Variants in RHEX observed in about 807,000 individuals in gnomAD.
The protein encoded by RHEX is regulator of hemoglobinization and erythroid cell expansion protein.
In RHEX, 18 loss-of-function variants were observed where a neutral mutation model predicts 20.1. The observed-to-expected ratio is 0.90, with a 90% CI of 0.62 to 1.33. The LOEUF (loss-of-function observed/expected upper bound fraction) is 1.33, where lower values mean the gene tolerates loss of function less well. Ranked by LOEUF, RHEX falls within the 40% of genes most tolerant of loss-of-function variation. RHEX has a pLI of 0.00. For synonymous variants in RHEX, 87 were observed against 77.1 expected, an observed-to-expected ratio of 1.13 and a Z score of -0.67; for missense variants, 192 against 214.3, an observed-to-expected ratio of 0.90 and a Z score of 0.65.
intron 1 of RHEX, among the ~76,000 whole-genome samples, chr1:206,054,077 G>A (rs2102300086): frequency 6.8e-6 from 1 of 148,096 alleles, no homozygotes; most frequent in Non-Finnish European, 1.5e-5. Context: ...CTAGTCCAAA[G>A]GCATAAAGAA....
At chr1:206,055,950 G>A (rs1662187290) in intron 1 of RHEX, among the ~76,000 whole-genome samples, 1 of 152,378 alleles carries the variant, frequency 6.6e-6, no homozygotes, top group South Asian at 2.1e-4. Flanking sequence ...AAGCAGATAA[G>A]CTAACTCTTA....
chr1:206,101,338 G>T (rs28694304), intron 5 of RHEX, 141 bp downstream of exon 5: 65,883 of 678,256 alleles, frequency 0.097, 3,534 homozygotes, highest in South Asian at 0.19. Context: ...GCATCCTCAG[G>T]TGAGGGGGGG....
At chr1:206,087,699 T>C (rs1662866463) in intron 1 of RHEX, among the ~76,000 whole-genome samples, 1 of 152,218 alleles carries the variant, frequency 6.6e-6, no homozygotes, top group African/African-American at 2.4e-5. Context: ...TGAGATATAA[T>C]TTATTTAGAT....
At position 206,101,962 on chromosome 1, in the gene RHEX, A is replaced by G. The variant is rs782239276; in HGVS notation, c.*10A>G. On this transcript the variant is annotated 3_prime_UTR_variant, in exon 6 of 6. Transcript: ENST00000331555. ...TCAAGTGGCCATGTGAATTCCAAAT[A>G]TTTTTAATGGGGTCCAGTTCTCTAT... 1 of 1,593,074 alleles carries G rather than the reference A, an allele frequency of 6.3e-7. No homozygotes were observed. The highest frequency in any genetic ancestry group is 1.3e-5 in the African/African-American group (1 of 74,610).
chr1:206,081,277 G>C (rs1385463985), intron 1 of RHEX, among the ~76,000 whole-genome samples: 2 of 152,140 alleles, frequency 1.3e-5, no homozygotes, highest in Admixed American at 6.5e-5. Context: ...GTACATACTA[G>C]GTACAGGCAC....
At chr1:206,097,563 G>C in intron 1 of RHEX, 170 bp from the exon 2 acceptor site, 1 of 551,440 alleles carries the variant, frequency 1.8e-6, no homozygotes, top group South Asian at 2.1e-5. Flanking sequence ...ACTCATCAAG[G>C]TTCTTTAGGA....
chr1:206,080,539 G>A (rs764683014), intron 1 of RHEX, among the ~76,000 whole-genome samples: 1 of 152,204 alleles, frequency 6.6e-6, no homozygotes. Flanking sequence ...GTGAAAGTGT[G>A]TTATCGACCT....
intron 1 of RHEX, among the ~76,000 whole-genome samples, chr1:206,077,783 A>T (rs1301422280): frequency 3.3e-5 from 5 of 152,114 alleles, no homozygotes; most frequent in African/African-American, 1.2e-4. Flanking sequence ...TATTATAGAG[A>T]TGCTACGTAG....
chr1:206,064,638 G>T (rs1241316463), intron 1 of RHEX, among the ~76,000 whole-genome samples: 1 of 145,162 alleles, frequency 6.9e-6, no homozygotes, highest in African/African-American at 2.6e-5. Context: ...CGGCCGCCCC[G>T]TCCCGGGGGG....
intron 1 of RHEX, among the ~76,000 whole-genome samples, chr1:206,068,056 A>G (rs1553284330): frequency 1.3e-5 from 2 of 152,106 alleles, no homozygotes; most frequent in Admixed American, 6.5e-5. Flanking sequence ...CGTCTTTTCT[A>G]TGTTGATGAC....
chr1:206,080,573 G>A (rs1451086518), intron 1 of RHEX, among the ~76,000 whole-genome samples: 1 of 152,122 alleles, frequency 6.6e-6, no homozygotes, highest in African/African-American at 2.4e-5. Flanking sequence ...CTTTTCCAGT[G>A]GGTGATAAAC....
At chr1:206,053,490 T>C (rs1662112199) in intron 1 of RHEX, among the ~76,000 whole-genome samples, 1 of 152,194 alleles carries the variant, frequency 6.6e-6, no homozygotes. Context: ...ATGCCCTTTT[T>C]ACCTGTTTTT....
chr1:206,062,915 C>G (rs1484030542), intron 1 of RHEX, among the ~76,000 whole-genome samples: 1 of 152,230 alleles, frequency 6.6e-6, no homozygotes, highest in South Asian at 2.1e-4. Context: ...ACAGACAAAG[C>G]CTTGTCCTCA....
intron 1 of RHEX, among the ~76,000 whole-genome samples, chr1:206,062,869 C>T (rs782800756): frequency 1.3e-5 from 2 of 152,202 alleles, no homozygotes; most frequent in South Asian, 2.1e-4. Context: ...TAAGCACTTC[C>T]GTGATCTAGG....
intron 1 of RHEX, chr1:206,061,534 T>C (rs1214600119): frequency 6.6e-6 from 1 of 152,266 alleles, no homozygotes; most frequent in Admixed American, 6.5e-5. Flanking sequence ...AACTGAGATC[T>C]AGGGCTTGTG....
At chr1:206,065,137 T>G (rs1314135778) in intron 1 of RHEX, among the ~76,000 whole-genome samples, 1 of 152,184 alleles carries the variant, frequency 6.6e-6, no homozygotes, top group Non-Finnish European at 1.5e-5. Flanking sequence ...ACACAAATGC[T>G]GCGGAAGGCC....
chr1:206,097,779 G>T lies in RHEX; in HGVS notation c.-50G>T, dbSNP rs782012757. ...GCACTACTGAGAGACGAGGTGCCAG[G>T]GTGGTTCCTGAAAGTGCCTGAGCCC... On this transcript the variant is annotated 5_prime_UTR_variant, in exon 2 of 6. Transcript: ENST00000331555. 1.2e-6 allele frequency: 2 copies of T among 1,614,132 alleles called. No individual in the cohort carries two copies. Among genetic ancestry groups the T allele is most frequent in the Middle Eastern group, 1.7e-4 (1 of 6,060 alleles).
chr1:206,078,105 C>T (rs539788175), intron 1 of RHEX, among the ~76,000 whole-genome samples: 18 of 152,276 alleles, frequency 1.2e-4, no homozygotes, highest in Non-Finnish European at 2.2e-4. Context: ...AAGTGAATTT[C>T]GTGTTCAGGC....
In RHEX at chr1:206,067,990, G is replaced by A. The variant is rs77577114; in HGVS notation, c.-97+14725G>A. ...TACTCCATGGCTCCATTCCACTTAC[G>A]GGGACTGGAGTGGGGAGGAGAAAGT... On this transcript the variant is annotated intron_variant, in intron 1 of 5. Transcript: ENST00000331555. This position sits in a 1 kb window ranked among gnomAD's most constrained non-coding sequence, Gnocchi z 4.6. Among the ~76,000 whole-genome samples the A allele has an allele frequency of 9.6e-3, 1,466 of 152,254 alleles. 22 individuals carry two copies. The highest frequency in any genetic ancestry group is 0.033 in the African/African-American group (1,391 of 41,528).
Sources: allele counts gnomAD v4.1 joint callset (sites outside exome capture counted in the v4.1 genomes callset), GRCh38; gene constraint gnomAD v4.1.1; non-coding constraint Gnocchi (gnomAD v3.1); transcripts MANE v1.5; gene names NCBI Gene and HGNC (gene_info 2026-07-23, HGNC 2026-07-21).